The following WDR41 variants were observed in gnomAD, a reference collection of about 807,000 sequenced individuals.
WDR41 encodes WD repeat domain 41.
A neutral mutation model predicts 69.3 loss-of-function variants in WDR41; 63 were observed. The observed-to-expected ratio is 0.91, with a 90% confidence interval of 0.74 to 1.12. WDR41 has a LOEUF of 1.12. Among genes scored for constraint, WDR41 ranks in the 50% most tolerant of loss-of-function variants. The pLI is 0.00. For synonymous variants in WDR41, 185 were observed against 192.1 expected (o/e 0.96, Z 0.31); for missense variants, 543 against 534.5 (o/e 1.02, Z -0.16).
At chr5:77,490,537 T>C (rs1355893263) in intron 1 of WDR41, among the ~76,000 whole-genome samples, 1 of 152,110 alleles carries the variant, frequency 6.6e-6, no homozygotes, top group Admixed American at 6.5e-5. Context: ...GTTATACAAC[T>C]CAATTAGATT....
At chr5:77,523,753 TATAAAGA>T (rs1802407380) in intron 1 of WDR41, among the ~76,000 whole-genome samples, 1 of 152,198 alleles carries the variant, frequency 6.6e-6, no homozygotes, top group Non-Finnish European at 1.5e-5. Flanking sequence ...AAAAAGTGAC[TATAAAGA>T]ATAAATATCA....
At chr5:77,607,933 T>C (rs976476862) in intron 1 of WDR41, among the ~76,000 whole-genome samples, 1 of 152,214 alleles carries the variant, frequency 6.6e-6, no homozygotes. Flanking sequence ...TGAAACTTTA[T>C]AGAACTACTT....
chr5:77,494,707 A>G (rs1730905003), upstream of WDR41, among the ~76,000 whole-genome samples: 1 of 152,198 alleles, frequency 6.6e-6, no homozygotes, highest in African/African-American at 2.4e-5. Context: ...GTTCTACAAC[A>G]ATGGTAGCAG....
chr5:77,467,993 G>C (rs1372420472), intron 2 of WDR41, among the ~76,000 whole-genome samples: 3 of 151,362 alleles, frequency 2.0e-5, no homozygotes, highest in African/African-American at 4.9e-5. Flanking sequence ...CTGGACAACA[G>C]AGCAAGACTC....
At chr5:77,505,703 A>G (rs560694247) in intron 1 of WDR41, among the ~76,000 whole-genome samples, 25 of 152,172 alleles carry the variant, frequency 1.6e-4, no homozygotes, top group Non-Finnish European at 3.2e-4. Flanking sequence ...AGACCAATGG[A>G]ACAGAACAGA....
Position 77,463,081 on chromosome 5 carries a change from A to G in WDR41, c.348+14T>C, listed in dbSNP as rs1425238191. 1 of 1,609,752 alleles carries G rather than the reference A, an allele frequency of 6.2e-7. No individual in the cohort carries two copies. Among genetic ancestry groups the G allele is most frequent in the African/African-American group, 1.3e-5 (1 of 74,778 alleles). ...CCACTACAGCTTGTTCATTTCTTCC[A>G]GATTAAAGGATACAATAACTGTTCT... On this transcript the variant is annotated intron_variant, in intron 4 of 12. Coordinates refer to ENST00000296679, the MANE Select transcript of WDR41 (RefSeq NM_018268.4).
chr5:77,495,983 T>C (rs1801927351), upstream of WDR41, among the ~76,000 whole-genome samples: 1 of 152,074 alleles, frequency 6.6e-6, no homozygotes, highest in Non-Finnish European at 1.5e-5. Context: ...TCAACCAATG[T>C]AATACATCAC....
At chr5:77,582,852 T>G in intron 1 of WDR41, 2 of 1,603,638 alleles carry the variant, frequency 1.2e-6, no homozygotes, top group Non-Finnish European at 1.7e-6. Context: ...AGCGTGGTTA[T>G]GGCAAAATCA....
chr5:77,462,619 TACACACTGAAC>T (rs1294401651), intron 4 of WDR41, among the ~76,000 whole-genome samples: 2 of 152,182 alleles, frequency 1.3e-5, no homozygotes, highest in African/African-American at 4.8e-5. Flanking sequence ...TATTAAATAT[TACACACTGAAC>T]AAACAGTAAT....
intron 9 of WDR41, among the ~76,000 whole-genome samples, chr5:77,438,795 A>C (rs1163149677): frequency 6.6e-6 from 1 of 152,128 alleles, no homozygotes; most frequent in Non-Finnish European, 1.5e-5. Flanking sequence ...CATCTTAAGC[A>C]ATCAGGAGAC....
intron 2 of WDR41, among the ~76,000 whole-genome samples, chr5:77,480,620 A>T (rs1801187579): frequency 6.7e-6 from 1 of 149,516 alleles, no homozygotes; most frequent in Non-Finnish European, 1.5e-5. Flanking sequence ...TGGGAACTGA[A>T]CAATGAGAAC....
upstream of WDR41, among the ~76,000 whole-genome samples, chr5:77,496,773 A>G (rs1488488389): frequency 6.6e-6 from 1 of 152,152 alleles, no homozygotes; most frequent in Non-Finnish European, 1.5e-5. Flanking sequence ...TCAAATTTAT[A>G]TGGAATTGCA....
chr5:77,530,976 C>T (rs1802520094), intron 1 of WDR41, among the ~76,000 whole-genome samples: 1 of 151,510 alleles, frequency 6.6e-6, no homozygotes, highest in Non-Finnish European at 1.5e-5. Context: ...GAACTTGCAC[C>T]CTTACCTCGC....
chr5:77,463,497 T>C (rs1402997582), intron 3 of WDR41, among the ~76,000 whole-genome samples: 1 of 152,150 alleles, frequency 6.6e-6, no homozygotes, highest in Non-Finnish European at 1.5e-5. Flanking sequence ...TTTAAAAATA[T>C]AATTGTGTAA....
At position 77,464,872 on chromosome 5, in the gene WDR41, G is replaced by T. The variant is rs902447133; in HGVS notation, c.168-63C>A. 9 of 1,524,038 alleles carry T rather than the reference G, an allele frequency of 5.9e-6. No individual in the cohort carries two copies. In the African/African-American group the frequency reaches 1.2e-4, roughly 21 times the overall value. The allele number at this position is 1,524,038 out of a possible 1,614,324, so 94.4% of individuals were successfully genotyped here. ...GGTGACATTTAATTACTAAGATTAA[G>T]AACTATCAAACCTTATTAGTGGTAT... is the stretch of plus-strand genomic sequence containing the variant. On this transcript the variant is annotated intron_variant, in intron 2 of 12. Transcript: ENST00000296679.
chr5:77,594,785 A>G (rs1026501186), intron 1 of WDR41, among the ~76,000 whole-genome samples: 9 of 152,266 alleles, frequency 5.9e-5, no homozygotes, highest in Non-Finnish European at 1.3e-4. Context: ...ATTTGAATGC[A>G]GCCTGCATTA....
intron 12 of WDR41, among the ~76,000 whole-genome samples, chr5:77,434,736 C>G (rs139247634): frequency 4.6e-5 from 7 of 151,982 alleles, no homozygotes; most frequent in Non-Finnish European, 1.0e-4. Flanking sequence ...GGTGACACTG[C>G]AAAGATAGCC....
At chr5:77,597,627 TA>T (rs1744250058) in intron 1 of WDR41, among the ~76,000 whole-genome samples, 1 of 152,214 alleles carries the variant, frequency 6.6e-6, no homozygotes, top group African/African-American at 2.4e-5. Flanking sequence ...TTGTCTGTAC[TA>T]GAATGTACAC....
intron 2 of WDR41, among the ~76,000 whole-genome samples, chr5:77,472,616 C>G (rs1343937720): frequency 6.6e-6 from 1 of 152,138 alleles, no homozygotes; most frequent in African/African-American, 2.4e-5. Flanking sequence ...CACAAGCATT[C>G]TTTTACACCA....
Sources: gnomAD v4.1 joint callset for allele counts (sites outside exome capture counted in the v4.1 genomes callset) on GRCh38, gnomAD v4.1.1 for gene constraint, MANE v1.5 for transcripts, NCBI Gene and HGNC (gene_info 2026-07-23, HGNC 2026-07-21) for gene names.